The following ABCC9 variants were observed in gnomAD, a reference collection of about 807,000 sequenced individuals.
The protein encoded by ABCC9 is ATP-binding cassette sub-family C member 9.
Under a neutral mutation model 188.3 loss-of-function variants are expected in ABCC9, and 95 were observed. That is an observed-to-expected ratio of 0.50 (90% CI 0.43 to 0.60). The LOEUF (loss-of-function observed/expected upper bound fraction) is 0.60. ABCC9 is among the 20% of genes least tolerant of loss of function. The probability of loss-of-function intolerance (pLI) is 0.00; values close to 1 mark genes in which losing one functional copy is unlikely to be tolerated. For synonymous variants in ABCC9, 659 were observed against 652.7 expected (o/e 1.01, Z -0.15); for missense variants, 1,102 against 1,876.3 (o/e 0.59, Z 7.62).
At chr12:21,894,418 G>C (rs1038542559) in intron 13 of ABCC9, among the ~76,000 whole-genome samples, 27 of 152,126 alleles carry the variant, frequency 1.8e-4, no homozygotes, top group African/African-American at 6.5e-4. Context: ...TTACAGGTTA[G>C]GTAATTGACC....
Position 21,852,157 on chromosome 12 carries a change from A to G in ABCC9, c.2709T>C (p.Asp903=), listed in dbSNP as rs765291115. The G allele has an allele frequency of 1.2e-6, 2 of 1,613,774 alleles. No individual in the cohort carries two copies. Among genetic ancestry groups the G allele is most frequent in the Non-Finnish European group, 1.7e-6 (2 of 1,179,890 alleles). The change falls in exon 24 of 40, where the codon GAT becomes GAC. Residue 903 remains aspartate (D), a synonymous_variant. Coordinates refer to ENST00000261200, the MANE Select transcript of ABCC9 (RefSeq NM_020297.4). Reference sequence around the variant, plus strand: ...TTTTCCAGTGTTCATAAAGCTCAACATCTTTGGTTTGAATGTCCTTCAAAG... The same window carrying G: ...TTTTCCAGTGTTCATAAAGCTCAACGTCTTTGGTTTGAATGTCCTTCAAAG... ...EGTLKDIQTK[D]VELYEHWKTL...
rs1346706317 is a variant in ABCC9 at position 21,852,078 on chromosome 12, C to T, written c.2769+19G>A. 6.2e-7 allele frequency: 1 copy of T among 1,613,350 alleles called. No individual in the cohort carries two copies. Among genetic ancestry groups the T allele is most frequent in the South Asian group, 1.1e-5 (1 of 91,062 alleles). ...CTTCTGAATTGGGCTCTGAACTCTT[C>T]TGAACTATGAGCACTTACCTTTTCT... On this transcript the variant is annotated intron_variant, in intron 24 of 39. Coordinates refer to ENST00000261200, the MANE Select transcript of ABCC9 (RefSeq NM_020297.4).
At chr12:21,818,306 G>T in intron 31 of ABCC9, 55 bp from the exon 32 acceptor site, 1 of 1,376,060 alleles carries the variant, frequency 7.3e-7, no homozygotes. Flanking sequence ...CTTAAACCAA[G>T]TTCAATCAAT....
intron 5 of ABCC9, 83 bp downstream of exon 5, chr12:21,925,859 C>T (rs1751896396): frequency 1.4e-6 from 2 of 1,438,134 alleles, no homozygotes; most frequent in African/African-American, 1.4e-5. Flanking sequence ...ATACTATTTA[C>T]CCTGAGGAAA....
intron 31 of ABCC9, among the ~76,000 whole-genome samples, chr12:21,826,195 G>C (rs1350262659): frequency 6.6e-6 from 1 of 152,120 alleles, no homozygotes; most frequent in Non-Finnish European, 1.5e-5. Context: ...ACAACAAAGA[G>C]GGGGTTGTGT....
At chr12:21,857,257 A>G (rs2137477209) in intron 22 of ABCC9, among the ~76,000 whole-genome samples, 1 of 152,306 alleles carries the variant, frequency 6.6e-6, no homozygotes, top group East Asian at 1.9e-4. Flanking sequence ...GATTAAGAAA[A>G]GTTATACAAA....
At chr12:21,829,963 G>A (rs544238116) in intron 30 of ABCC9, among the ~76,000 whole-genome samples, 179 of 152,248 alleles carry the variant, frequency 1.2e-3, no homozygotes, top group African/African-American at 4.0e-3. Context: ...GGGGACACTA[G>A]AGATGACGGC....
In ABCC9 at chr12:21,842,475, T is replaced by G. The variant is rs201147809; in HGVS notation, c.3316-4A>C. On this transcript the variant is annotated splice_polypyrimidine_tract_variant and splice_region_variant and intron_variant, in intron 28 of 39. Coordinates refer to ENST00000261200, the MANE Select transcript of ABCC9 (RefSeq NM_020297.4). ...ATTCCAAGGTTGGAGGGATGTGCTA[T>G]TAGGGTAGTTTAAAAGGAAAATATG... The G allele has an allele frequency of 1.5e-4, 250 of 1,613,748 alleles. No homozygotes were observed. Among genetic ancestry groups the G allele is most frequent in the Non-Finnish European group, 2.0e-4 (241 of 1,179,806 alleles).
At chr12:21,923,946 C>T in intron 5 of ABCC9, 1 of 650,272 alleles carries the variant, frequency 1.5e-6, no homozygotes, top group South Asian at 1.8e-5. Flanking sequence ...AAATATTGAT[C>T]TATGCTACAT....
At chr12:21,905,212 A>T (rs1947979505) in intron 12 of ABCC9, among the ~76,000 whole-genome samples, 1 of 152,114 alleles carries the variant, frequency 6.6e-6, no homozygotes. Flanking sequence ...ATAGGTGGGA[A>T]CTGAACAATG....
intron 5 of ABCC9, among the ~76,000 whole-genome samples, chr12:21,922,230 C>T (rs1222294740): frequency 6.6e-6 from 1 of 151,896 alleles, no homozygotes; most frequent in East Asian, 1.9e-4. Context: ...TTTGTATCTT[C>T]TTCAATTTCA....
chr12:21,910,778 G>T, intron 9 of ABCC9, 48 bp downstream of exon 9: 1 of 1,532,324 alleles, frequency 6.5e-7, no homozygotes, highest in Non-Finnish European at 9.0e-7. Context: ...TCACTGAATG[G>T]TATATAGCAT....
At chr12:21,858,139 G>A (rs1002459075) in intron 22 of ABCC9, among the ~76,000 whole-genome samples, 1 of 152,152 alleles carries the variant, frequency 6.6e-6, no homozygotes, top group African/African-American at 2.4e-5. Context: ...ATAGCAGGCA[G>A]TAAAATGAAC....
chr12:21,883,528 A>G (rs1052660550), intron 15 of ABCC9, among the ~76,000 whole-genome samples: 15 of 152,216 alleles, frequency 9.9e-5, no homozygotes, highest in African/African-American at 3.6e-4. Context: ...TTTATAAATT[A>G]CCCAGTCTCA....
intron 10 of ABCC9, among the ~76,000 whole-genome samples, chr12:21,909,732 T>C (rs1592209774): frequency 6.6e-6 from 1 of 151,952 alleles, no homozygotes; most frequent in African/African-American, 2.4e-5. Flanking sequence ...ACCATGGCTC[T>C]GTGACTTACA....
At chr12:21,926,347 T>C (rs938094860) in intron 4 of ABCC9, among the ~76,000 whole-genome samples, 2 of 152,200 alleles carry the variant, frequency 1.3e-5, no homozygotes, top group Admixed American at 1.3e-4. Context: ...AGGGCAGAGC[T>C]GCTGAAATAA....
chr12:21,817,520 C>G (rs992975730), intron 32 of ABCC9, among the ~76,000 whole-genome samples: 2 of 152,146 alleles, frequency 1.3e-5, no homozygotes, highest in Non-Finnish European at 2.9e-5. Context: ...ATAACTGTCA[C>G]TATTTTGTGA....
At chr12:21,904,989 T>C (rs1947960621) in intron 12 of ABCC9, among the ~76,000 whole-genome samples, 1 of 152,210 alleles carries the variant, frequency 6.6e-6, no homozygotes, top group African/African-American at 2.4e-5. Context: ...CATGTGTTTA[T>C]TGCAGCACTA....
intron 12 of ABCC9, among the ~76,000 whole-genome samples, chr12:21,905,389 T>C (rs934824408): frequency 6.6e-6 from 1 of 151,818 alleles, no homozygotes; most frequent in Non-Finnish European, 1.5e-5. Flanking sequence ...ATTGTGCACA[T>C]GTACCCTAGA....
Sources: allele counts gnomAD v4.1 joint callset (sites outside exome capture counted in the v4.1 genomes callset), GRCh38; gene constraint gnomAD v4.1.1; transcripts MANE v1.5; gene names NCBI Gene and HGNC (gene_info 2026-07-23, HGNC 2026-07-21).